DNAH3: variants seen among roughly 807,000 people sequenced by gnomAD.
DNAH3 encodes the protein axonemal beta dynein heavy chain 3.
Under a neutral mutation model 432.5 loss-of-function variants are expected in DNAH3, and 332 were observed. The ratio of observed to expected loss-of-function variants is 0.77; its 90% confidence interval spans 0.70 to 0.84. The LOEUF (loss-of-function observed/expected upper bound fraction) is 0.84. Ranked by LOEUF, DNAH3 falls within the 40% of genes least tolerant of loss-of-function variation. The pLI is 0.00. For synonymous variants in DNAH3, 1,956 were observed against 1,900.2 expected, an observed-to-expected ratio of 1.03 and a Z score of -0.76; for missense variants, 4,861 against 5,114.0, an observed-to-expected ratio of 0.95 and a Z score of 1.51.
exon 44 of DNAH3, chr16:20,997,363 T>C (rs747192864): frequency 1.2e-6 from 2 of 1,614,004 alleles, no homozygotes; most frequent in Non-Finnish European, 1.7e-6. Context: ...CCTGGTTGTG[T>C]CTTTTTTGTC....
rs764245349 is a variant in DNAH3 at position 21,051,777 on chromosome 16, G to C, written c.4131C>G (p.Ala1377=). 3.1e-6 allele frequency: 5 copies of C among 1,613,856 alleles called. No homozygotes were observed. The African/African-American group carries it at 5.3e-5, about 17-fold the overall frequency. The stretch of plus-strand genomic sequence containing the variant: ...TGATAATCTGCACCTGCACATCCTT[G>C]GCCACCCAGTAGTAGCGCAGCTGTG... Residue 1377 remains alanine (A), a synonymous_variant, in exon 29 of 62, where the codon GCC becomes GCG. Coordinates refer to ENST00000261383, the Ensembl canonical transcript of DNAH3.
chr16:20,935,402 T>G lies in DNAH3; in HGVS notation c.11943A>C (p.Gln3981His), dbSNP rs1441270837. The stretch of plus-strand genomic sequence containing the variant: ...GGATGGTATATTTCCGGGCATAATT[T>G]TGAGAGACGCCAGTCAAAAAAGACT... Residue 3981 changes from glutamine to histidine, a missense_variant, in exon 61 of 62, where the codon CAA becomes CAC. Coordinates refer to ENST00000261383, the Ensembl canonical transcript of DNAH3. 1 of 1,613,704 alleles carries G rather than the reference T, an allele frequency of 6.2e-7. No homozygotes were observed. Among genetic ancestry groups the G allele is most frequent in the Admixed American group, 1.7e-5 (1 of 59,892 alleles).
chr16:20,989,310 C>T (rs2086414217), intron 44 of DNAH3, among the ~76,000 whole-genome samples: 1 of 151,752 alleles, frequency 6.6e-6, no homozygotes, highest in African/African-American at 2.4e-5. Flanking sequence ...TTCTCCAAGG[C>T]CCCACCAGAG....
At chr16:20,987,844 C>T (rs1407650744) in exon 46 of DNAH3, 1 of 1,614,014 alleles carries the variant, frequency 6.2e-7, no homozygotes, top group African/African-American at 1.3e-5. Flanking sequence ...CAGCATCTTT[C>T]CGTACCTTGG....
chr16:21,124,132 C>T (rs770600825), intron 9 of DNAH3, among the ~76,000 whole-genome samples: 19 of 152,096 alleles, frequency 1.2e-4, no homozygotes, highest in Non-Finnish European at 2.5e-4. Context: ...AAAACAGTTT[C>T]ATGAAAGAAT....
intron 54 of DNAH3, among the ~76,000 whole-genome samples, chr16:20,957,387 A>G (rs963115469): frequency 7.2e-5 from 11 of 152,198 alleles, no homozygotes; most frequent in African/African-American, 2.7e-4. Flanking sequence ...TAGAAGTTTC[A>G]TGTATTATGA....
intron 20 of DNAH3, among the ~76,000 whole-genome samples, chr16:21,076,136 A>G (rs1218183859): frequency 6.6e-6 from 1 of 152,136 alleles, no homozygotes; most frequent in Non-Finnish European, 1.5e-5. Context: ...TGAAATTCTA[A>G]CCCCTAATAT....
chr16:21,060,233 T>G, intron 26 of DNAH3, 31 bp downstream of exon 26: 1 of 1,556,336 alleles, frequency 6.4e-7, no homozygotes, highest in East Asian at 2.2e-5. Context: ...TGCACTAGTG[T>G]CCTGGCATGT....
At chr16:21,078,039 G>A (rs913985833) in intron 20 of DNAH3, among the ~76,000 whole-genome samples, 12 of 152,098 alleles carry the variant, frequency 7.9e-5, no homozygotes, top group African/African-American at 2.9e-4. Flanking sequence ...ACTTTGGGAG[G>A]CCAAGGCAGG....
At chr16:21,074,895 C>T (rs2090920697) in intron 21 of DNAH3, among the ~76,000 whole-genome samples, 1 of 152,154 alleles carries the variant, frequency 6.6e-6, no homozygotes. Context: ...CCTTCGCATG[C>T]ACTGTACAAA....
intron 1 of DNAH3, among the ~76,000 whole-genome samples, chr16:21,154,323 T>G (rs1278404596): frequency 1.3e-5 from 2 of 151,944 alleles, no homozygotes; most frequent in Non-Finnish European, 2.9e-5. Flanking sequence ...GAGAATTGCA[T>G]GAACACAGGA....
intron 41 of DNAH3, among the ~76,000 whole-genome samples, chr16:21,004,006 T>C (rs1474879625): frequency 6.6e-6 from 1 of 152,138 alleles, no homozygotes; most frequent in Non-Finnish European, 1.5e-5. Flanking sequence ...AAAGTTAATT[T>C]TACTTAAATC....
At chr16:21,152,746 C>A (rs1352558674) in intron 1 of DNAH3, among the ~76,000 whole-genome samples, 1 of 152,234 alleles carries the variant, frequency 6.6e-6, no homozygotes, top group East Asian at 1.9e-4. Flanking sequence ...CCCCGGCCAG[C>A]GGCTGCGGAG....
intron 53 of DNAH3, among the ~76,000 whole-genome samples, chr16:20,959,820 A>G (rs1447002483): frequency 6.6e-6 from 1 of 152,302 alleles, no homozygotes; most frequent in Non-Finnish European, 1.5e-5. Context: ...ACACATAGAC[A>G]TTCTTGATAA....
chr16:21,122,465 T>C (rs1181414077), intron 9 of DNAH3, among the ~76,000 whole-genome samples: 2 of 152,148 alleles, frequency 1.3e-5, no homozygotes, highest in East Asian at 3.9e-4. Context: ...GCTGAGGCAG[T>C]AGAATCACTT....
chr16:20,992,718 T>C (rs1010144359), intron 44 of DNAH3, among the ~76,000 whole-genome samples: 2 of 152,202 alleles, frequency 1.3e-5, no homozygotes, highest in African/African-American at 4.8e-5. Flanking sequence ...CAGCAGGAAA[T>C]TGGATTTCAA....
chr16:21,130,099 A>C (rs1008394292), intron 7 of DNAH3: 30 of 151,288 alleles, frequency 2.0e-4, no homozygotes, highest in African/African-American at 7.0e-4. Context: ...ATGAAAAAAA[A>C]AAAAAAAAAA....
intron 37 of DNAH3, among the ~76,000 whole-genome samples, chr16:21,030,427 T>G (rs330151): frequency 0.52 from 78,505 of 151,890 alleles, 20,535 homozygotes; most frequent in African/African-American, 0.61. Flanking sequence ...GAGAGAAAGA[T>G]GGGCCAAATA....
intron 41 of DNAH3, among the ~76,000 whole-genome samples, chr16:21,017,790 G>A (rs2087934662): frequency 6.6e-6 from 1 of 152,126 alleles, no homozygotes; most frequent in Non-Finnish European, 1.5e-5. Flanking sequence ...GAAAGAGTAT[G>A]TGGCAGGCGG....
Sources: allele counts gnomAD v4.1 joint callset (sites outside exome capture counted in the v4.1 genomes callset), GRCh38; gene constraint gnomAD v4.1.1; transcripts MANE v1.5; gene names NCBI Gene and HGNC (gene_info 2026-07-23, HGNC 2026-07-21).